Variants in TNR observed in about 807,000 individuals in gnomAD.
The protein encoded by TNR is tenascin R, also known as tenascin-R.
TNR carries 45 observed loss-of-function variants against 150.4 expected under a neutral mutation model. That is an observed-to-expected ratio of 0.30 (90% CI 0.24 to 0.38). The LOEUF (loss-of-function observed/expected upper bound fraction) is 0.38, where lower values mean the gene tolerates loss of function less well. Ranked by LOEUF, TNR falls within the 10% of genes least tolerant of loss-of-function variation. The pLI, the probability that TNR is intolerant of heterozygous loss-of-function variation, is 1.00. For missense variants in TNR, 1,544 were observed against 1,759.1 expected (o/e 0.88, Z 2.19); for synonymous variants, 687 against 678.4 (o/e 1.01, Z -0.20).
At chr1:175,693,657 T>C (rs1571759152) in intron 1 of TNR, among the ~76,000 whole-genome samples, 1 of 152,242 alleles carries the variant, frequency 6.6e-6, no homozygotes, top group Non-Finnish European at 1.5e-5. Flanking sequence ...GTGACTGTTC[T>C]AAAATTTGCC....
chr1:175,724,404 C>A (rs1667422407), intron 1 of TNR, among the ~76,000 whole-genome samples: 1 of 152,168 alleles, frequency 6.6e-6, no homozygotes, highest in Non-Finnish European at 1.5e-5. Context: ...AGAACTCACT[C>A]ACTATAATGA....
chr1:175,640,283 C>T (rs920149275), intron 1 of TNR, among the ~76,000 whole-genome samples: 12 of 152,224 alleles, frequency 7.9e-5, no homozygotes, highest in African/African-American at 2.7e-4. Flanking sequence ...TCTATATGGC[C>T]TGTGTGCCAG....
At chr1:175,688,037 T>G (rs962242014) in intron 1 of TNR, among the ~76,000 whole-genome samples, 1 of 152,218 alleles carries the variant, frequency 6.6e-6, no homozygotes, top group Non-Finnish European at 1.5e-5. Context: ...AGCGCTGTAC[T>G]CCCCTTCTCC....
At position 175,665,279 on chromosome 1, in the gene TNR, T is replaced by C. The variant is rs114042991; in HGVS notation, c.-165+77947A>G. Reference sequence around the variant, plus strand: ...AAAGTGTCTTTGAGTCCTGGTATACTAATTCTGTGGCCCAAACCCATGCTC... The same window carrying C: ...AAAGTGTCTTTGAGTCCTGGTATACCAATTCTGTGGCCCAAACCCATGCTC... On this transcript the variant is annotated intron_variant, in intron 1 of 22. Transcript: ENST00000367674. Among the ~76,000 whole-genome samples, 338 of 152,334 alleles carry C rather than the reference T, an allele frequency of 2.2e-3. 3 individuals carry two copies. Among genetic ancestry groups the C allele is most frequent in the African/African-American group, 7.7e-3 (318 of 41,568 alleles).
At chr1:175,685,015 T>A (rs187208416) in intron 1 of TNR, among the ~76,000 whole-genome samples, 1 of 152,290 alleles carries the variant, frequency 6.6e-6, no homozygotes, top group Admixed American at 6.5e-5. Context: ...CTTTTTTTCA[T>A]CAAGGGGGCT....
chr1:175,713,912 G>A (rs1226726227), intron 1 of TNR, among the ~76,000 whole-genome samples: 1 of 152,118 alleles, frequency 6.6e-6, no homozygotes, highest in Non-Finnish European at 1.5e-5. Context: ...AATAACTTAA[G>A]CAATCTTTAA....
intron 14 of TNR, among the ~76,000 whole-genome samples, chr1:175,361,975 C>G (rs768634861): frequency 9.9e-5 from 15 of 152,216 alleles, no homozygotes; most frequent in South Asian, 2.1e-4. Context: ...CCTTTCCTCA[C>G]TTTCCCATAT....
At position 175,322,264 on chromosome 1, in the gene TNR, G is replaced by A. The variant is rs892485718; in HGVS notation, c.*1093C>T. The A allele has an allele frequency of 6.6e-6, 1 of 152,216 alleles. No homozygotes were observed. The highest frequency in any genetic ancestry group is 2.4e-5 in the African/African-American group (1 of 41,432). The allele number at this position is 152,216 out of a possible 1,614,324, so 9.4% of individuals were successfully genotyped here. A position where few individuals can be genotyped will look rare whatever the true frequency, so the allele number is the denominator to read the frequency against. On this transcript the variant is annotated 3_prime_UTR_variant, in exon 23 of 23. Transcript: ENST00000367674. ...GGGGGCAGTGGCTGATGACTCACAG[G>A]CACATAGCCACTGTGCCACCCAGGG...
chr1:175,427,694 C>CTTCCTTCT (rs1655060357), intron 2 of TNR, among the ~76,000 whole-genome samples: 1 of 137,264 alleles, frequency 7.3e-6, no homozygotes, highest in Non-Finnish European at 1.6e-5. Context: ...TCCTTCCTTC[C>CTTCCTTCT]TTCCTTCCTT....
At chr1:175,349,443 G>A (rs957308236) in intron 18 of TNR, among the ~76,000 whole-genome samples, 3 of 152,118 alleles carry the variant, frequency 2.0e-5, no homozygotes, top group Non-Finnish European at 2.9e-5. Context: ...ATGACAACAC[G>A]GATGGGTCTG....
intron 1 of TNR, among the ~76,000 whole-genome samples, chr1:175,562,004 G>C (rs1354268013): frequency 6.6e-6 from 1 of 152,128 alleles, no homozygotes. Context: ...CGTGAAATAT[G>C]AGAAAAATTA....
Position 175,734,404 on chromosome 1 carries a change from A to G in TNR, c.-165+8822T>C, listed in dbSNP as rs183212338. On this transcript the variant is annotated intron_variant, in intron 1 of 22. Transcript: ENST00000367674. ...AGGAAACTGAGGATCAGAGAAGTCA[A>G]TGGATTTCCCCACGTCTCCACAGCT... 2.7e-3 allele frequency among the ~76,000 whole-genome samples: 413 copies of G among 152,344 alleles called. 1 individual carries two copies. The highest frequency in any genetic ancestry group is 9.5e-3 in the African/African-American group (397 of 41,590).
chr1:175,618,405 A>G (rs1663849596), intron 1 of TNR, among the ~76,000 whole-genome samples: 1 of 152,152 alleles, frequency 6.6e-6, no homozygotes, highest in Non-Finnish European at 1.5e-5. Context: ...GTACAAATCA[A>G]CCTGGCAGGG....
intron 1 of TNR, among the ~76,000 whole-genome samples, chr1:175,644,353 T>C (rs890786464): frequency 4.6e-5 from 7 of 152,242 alleles, no homozygotes; most frequent in Middle Eastern, 3.2e-3. Context: ...TACGTTTCTC[T>C]ATCCTTGATG....
chr1:175,564,062 C>T (rs376982333), intron 1 of TNR, among the ~76,000 whole-genome samples: 15 of 152,276 alleles, frequency 9.9e-5, no homozygotes, highest in African/African-American at 3.4e-4. Flanking sequence ...ATTTAGACAA[C>T]GATTAGCAAA....
intron 1 of TNR, among the ~76,000 whole-genome samples, chr1:175,551,814 A>G (rs916233788): frequency 3.3e-5 from 5 of 152,202 alleles, no homozygotes; most frequent in Non-Finnish European, 5.9e-5. Context: ...ATCAACTTAA[A>G]CAATGATTGT....
In TNR at chr1:175,355,743, C is replaced by T; in HGVS notation, c.3119-110G>A. The T allele has an allele frequency of 2.7e-6, 4 of 1,455,132 alleles. No individual in the cohort carries two copies. The South Asian group carries it at 3.9e-5, about 14-fold the overall frequency. 90.1% of individuals were successfully genotyped at this position (1,455,132 alleles called of 1,614,324 possible). On this transcript the variant is annotated intron_variant, in intron 16 of 22. Coordinates refer to ENST00000367674, the MANE Select transcript of TNR (RefSeq NM_003285.3). The stretch of plus-strand genomic sequence containing the variant: ...ACCTCTTTGGTCTCAGGATTGCTCA[C>T]ATGCTGACCCCTGCTCTGGCTTGGA...
chr1:175,707,365 C>T (rs186265918), intron 1 of TNR, among the ~76,000 whole-genome samples: 2 of 152,188 alleles, frequency 1.3e-5, no homozygotes, highest in African/African-American at 2.4e-5. Context: ...GGTATTACTA[C>T]AAACTTCCAT....
intron 1 of TNR, among the ~76,000 whole-genome samples, chr1:175,661,100 C>A (rs956116496): frequency 1.3e-5 from 2 of 152,180 alleles, no homozygotes; most frequent in Non-Finnish European, 2.9e-5. Flanking sequence ...ACATGTGCAT[C>A]CCACTCACAC....
Sources: gnomAD v4.1 joint callset for allele counts (sites outside exome capture counted in the v4.1 genomes callset) on GRCh38, gnomAD v4.1.1 for gene constraint, MANE v1.5 for transcripts, NCBI Gene and HGNC (gene_info 2026-07-23, HGNC 2026-07-21) for gene names.